Variants in LHFPL3 observed in about 807,000 individuals in gnomAD.
The protein encoded by LHFPL3 is LHFPL tetraspan subfamily member 3 protein.
In LHFPL3, 5 loss-of-function variants were observed where a neutral mutation model predicts 19.3. The observed-to-expected ratio is 0.26, with a 90% confidence interval of 0.14 to 0.54. The LOEUF (loss-of-function observed/expected upper bound fraction) is 0.54, where lower values mean the gene tolerates loss of function less well. Among genes scored for constraint, LHFPL3 ranks in the 20% least tolerant of loss-of-function variants. The probability of loss-of-function intolerance (pLI) is 0.94; values close to 1 mark genes in which losing one functional copy is unlikely to be tolerated. For synonymous variants in LHFPL3, 133 were observed against 126.2 expected (o/e 1.05, Z -0.36); for missense variants, 249 against 307.4 (o/e 0.81, Z 1.42).
At chr7:104,494,876 G>A (rs1220568803) in intron 1 of LHFPL3, among the ~76,000 whole-genome samples, 1 of 152,040 alleles carries the variant, frequency 6.6e-6, no homozygotes, top group African/African-American at 2.4e-5. Flanking sequence ...CCCAGCTGGG[G>A]TACAAATACT....
chr7:104,788,761 C>T (rs182826780), intron 2 of LHFPL3, among the ~76,000 whole-genome samples: 3 of 152,262 alleles, frequency 2.0e-5, no homozygotes, highest in Non-Finnish European at 2.9e-5. Flanking sequence ...TTTTCCTGAG[C>T]GTTAAGGAGA....
At chr7:104,830,159 C>T (rs919526331) in intron 2 of LHFPL3, among the ~76,000 whole-genome samples, 13 of 151,870 alleles carry the variant, frequency 8.6e-5, no homozygotes, top group East Asian at 1.9e-4. Flanking sequence ...ATATCCTTTG[C>T]CCACTTTTTG....
intron 1 of LHFPL3, among the ~76,000 whole-genome samples, chr7:104,494,497 T>C (rs1793419022): frequency 6.6e-6 from 1 of 152,216 alleles, no homozygotes; most frequent in Non-Finnish European, 1.5e-5. Context: ...GTTTACATCC[T>C]TTCCTTCTTC....
At chr7:104,520,378 T>G (rs1584376688) in intron 1 of LHFPL3, among the ~76,000 whole-genome samples, 1 of 146,858 alleles carries the variant, frequency 6.8e-6, no homozygotes, top group East Asian at 1.9e-4. Context: ...TTTGCATCAA[T>G]GTTCATCAAG....
chr7:104,535,974 G>C (rs1305729591), intron 1 of LHFPL3, among the ~76,000 whole-genome samples: 1 of 152,218 alleles, frequency 6.6e-6, no homozygotes, highest in Non-Finnish European at 1.5e-5. Context: ...AGTCAGTACA[G>C]CTCTCCCATC....
intron 1 of LHFPL3, among the ~76,000 whole-genome samples, chr7:104,530,937 G>A (rs1282178490): frequency 6.6e-6 from 1 of 152,100 alleles, no homozygotes; most frequent in Non-Finnish European, 1.5e-5. Context: ...CCATGGCAGG[G>A]GCAAAATGCT....
At chr7:104,861,739 C>G (rs1321258018) in intron 2 of LHFPL3, among the ~76,000 whole-genome samples, 1 of 152,170 alleles carries the variant, frequency 6.6e-6, no homozygotes, top group Non-Finnish European at 1.5e-5. Flanking sequence ...TCCTGGTGGT[C>G]TAACATGGTC....
Position 104,668,984 on chromosome 7 carries a change from G to A in LHFPL3, c.446-67691G>A, listed in dbSNP as rs897648612. ...TGGCAAAGTGAAGAAACTCAGGAAC[G>A]GGAACGGTCGAGGACAGGAAGTGAG... On this transcript the variant is annotated intron_variant, in intron 1 of 2. Transcript: ENST00000424859. 41 of 1,612,112 alleles carry A rather than the reference G, an allele frequency of 2.5e-5. No homozygotes were observed. The East Asian group carries it at 4.0e-4, about 16-fold the overall frequency.
chr7:104,777,159 G>A (rs1421196063), intron 2 of LHFPL3, among the ~76,000 whole-genome samples: 1 of 152,128 alleles, frequency 6.6e-6, no homozygotes, highest in African/African-American at 2.4e-5. Flanking sequence ...ATGTGGCCTT[G>A]GGAGAAAGAA....
intron 2 of LHFPL3, among the ~76,000 whole-genome samples, chr7:104,809,066 TG>T (rs1241778069): frequency 2.6e-5 from 4 of 152,112 alleles, no homozygotes; most frequent in African/African-American, 9.7e-5. Flanking sequence ...AGCTAATTTT[TG>T]TATTTTTAGT....
intron 1 of LHFPL3, among the ~76,000 whole-genome samples, chr7:104,595,196 G>T (rs1244631653): frequency 6.6e-6 from 1 of 152,192 alleles, no homozygotes; most frequent in Non-Finnish European, 1.5e-5. Flanking sequence ...TTTGGTCTTT[G>T]ATGTTGGTGA....
intron 1 of LHFPL3, among the ~76,000 whole-genome samples, chr7:104,685,602 A>G (rs1456644041): frequency 6.6e-6 from 1 of 152,086 alleles, no homozygotes; most frequent in Non-Finnish European, 1.5e-5. Context: ...CATGTAGGAG[A>G]TTTTCCTACA....
intron 1 of LHFPL3, among the ~76,000 whole-genome samples, chr7:104,446,628 T>G (rs1792335098): frequency 6.6e-6 from 1 of 152,210 alleles, no homozygotes. Context: ...CAGGCTGGAG[T>G]GCAGTGGCAT....
At chr7:104,537,119 A>G (rs1388269476) in intron 1 of LHFPL3, among the ~76,000 whole-genome samples, 1 of 152,204 alleles carries the variant, frequency 6.6e-6, no homozygotes, top group Non-Finnish European at 1.5e-5. Flanking sequence ...CTGGTAGTCC[A>G]TCTGTTGAAG....
At chr7:104,816,122 A>G (rs531570978) in intron 2 of LHFPL3, among the ~76,000 whole-genome samples, 16 of 152,236 alleles carry the variant, frequency 1.1e-4, no homozygotes, top group South Asian at 8.3e-4. Flanking sequence ...TCCCATCCCA[A>G]AAGAACAACT....
intron 1 of LHFPL3, among the ~76,000 whole-genome samples, chr7:104,506,598 C>G (rs1317367479): frequency 6.6e-6 from 1 of 152,220 alleles, no homozygotes; most frequent in Admixed American, 6.5e-5. Flanking sequence ...ACTTGAGCCT[C>G]AGTGCAACAC....
intron 1 of LHFPL3, among the ~76,000 whole-genome samples, chr7:104,429,639 T>G (rs893272357): frequency 6.6e-6 from 1 of 152,002 alleles, no homozygotes; most frequent in Middle Eastern, 3.2e-3. Context: ...AATTATTTCT[T>G]GCAAAAAGGT....
In LHFPL3 at chr7:104,553,488, T is replaced by C. The variant is rs141734301; in HGVS notation, c.446-183187T>C. Among the ~76,000 whole-genome samples, 322 of 152,320 alleles carry C rather than the reference T, an allele frequency of 2.1e-3. 3 individuals carry two copies. The highest frequency in any genetic ancestry group is 3.8e-3 in the Non-Finnish European group (260 of 68,030). On this transcript the variant is annotated intron_variant, in intron 1 of 2. Coordinates refer to ENST00000424859, the MANE Select transcript of LHFPL3 (RefSeq NM_199000.3). ...TGAACCACTTGCCACCTTTGTAATC[T>C]CTAAGCACTTTCCAGAAAAATTTTT...
chr7:104,440,037 G>GGT (rs752612091), intron 1 of LHFPL3, among the ~76,000 whole-genome samples: 1 of 140,470 alleles, frequency 7.1e-6, no homozygotes, highest in African/African-American at 2.8e-5. Flanking sequence ...ACAAAGCCTG[G>GGT]GGGGGGGGAG....
Sources: gnomAD v4.1 joint callset for allele counts (sites outside exome capture counted in the v4.1 genomes callset) on GRCh38, gnomAD v4.1.1 for gene constraint, MANE v1.5 for transcripts, NCBI Gene and HGNC (gene_info 2026-07-23, HGNC 2026-07-21) for gene names.